HYAL4: variants seen among roughly 807,000 people sequenced by gnomAD.
HYAL4 encodes hyaluronidase-4.
HYAL4 carries 37 observed loss-of-function variants against 35.2 expected under a neutral mutation model. The observed-to-expected ratio is 1.05, with a 90% CI of 0.81 to 1.38. The LOEUF (loss-of-function observed/expected upper bound fraction) is 1.38, where lower values mean the gene tolerates loss of function less well. Ranked by LOEUF, HYAL4 falls within the 40% of genes most tolerant of loss-of-function variation. The pLI is 0.00. For missense variants in HYAL4, 572 were observed against 572.4 expected, an observed-to-expected ratio of 1.00 and a Z score of 0.01; for synonymous variants, 198 against 203.2, an observed-to-expected ratio of 0.97 and a Z score of 0.22.
chr7:123,823,742 T>C, the HYAL4 span, among the ~76,000 whole-genome samples: 73 of 144,392 alleles, frequency 5.1e-4, no homozygotes, highest in East Asian at 2.0e-3. Flanking sequence ...TATATATATA[T>C]ATACACACAC....
At chr7:123,827,393 C>T (rs938785735), upstream of HYAL4, among the ~76,000 whole-genome samples, 5 of 152,164 alleles carry the variant, frequency 3.3e-5, no homozygotes, top group African/African-American at 1.2e-4. Flanking sequence ...GTGTTGTCTT[C>T]ATTTGACTCC....
intron 2 of HYAL4, among the ~76,000 whole-genome samples, chr7:123,859,231 A>AT (rs1194484336): frequency 2.6e-5 from 4 of 152,030 alleles, no homozygotes; most frequent in African/African-American, 7.2e-5. Flanking sequence ...AAGAACAATC[A>AT]TTTTTTCATA....
At chr7:123,795,985 T>G in the HYAL4 span, among the ~76,000 whole-genome samples, 2 of 152,186 alleles carry the variant, frequency 1.3e-5, no homozygotes, top group African/African-American at 4.8e-5. Flanking sequence ...AGATGCTTCG[T>G]TTAAGAGTAT....
the HYAL4 span, among the ~76,000 whole-genome samples, chr7:123,817,818 GA>G: frequency 0.13 from 19,555 of 147,442 alleles, 1,334 homozygotes; most frequent in Non-Finnish European, 0.15. Context: ...TATGCAAAAA[GA>G]AAAAAAAAAT....
the HYAL4 span, among the ~76,000 whole-genome samples, chr7:123,800,231 G>A: frequency 6.8e-6 from 1 of 147,666 alleles, no homozygotes; most frequent in Admixed American, 6.7e-5. Flanking sequence ...GTGCAGTGGC[G>A]CGATCTCGGC....
chr7:123,857,685 C>CTTTCTTTG (rs1806482006), intron 2 of HYAL4, among the ~76,000 whole-genome samples: 1 of 139,118 alleles, frequency 7.2e-6, no homozygotes, highest in African/African-American at 2.6e-5. Context: ...TTCTTTCTTT[C>CTTTCTTTG]TTTCTTTCTT....
At chr7:123,872,726 C>T (rs1806916519) in intron 3 of HYAL4, among the ~76,000 whole-genome samples, 1 of 152,212 alleles carries the variant, frequency 6.6e-6, no homozygotes, top group Admixed American at 6.5e-5. Context: ...TTATCTGTGA[C>T]TTTCCTAGCT....
intron 3 of HYAL4, among the ~76,000 whole-genome samples, chr7:123,873,644 G>A (rs1321451211): frequency 6.6e-6 from 1 of 152,108 alleles, no homozygotes; most frequent in East Asian, 1.9e-4. Flanking sequence ...CTAAAGAGTG[G>A]GGTGAGGGAA....
the HYAL4 span, among the ~76,000 whole-genome samples, chr7:123,790,113 TA>T: frequency 6.6e-6 from 1 of 152,198 alleles, no homozygotes; most frequent in African/African-American, 2.4e-5. Flanking sequence ...TAAGGCCTTC[TA>T]CTGATTAGTT....
At chr7:123,796,424 T>A in the HYAL4 span, among the ~76,000 whole-genome samples, 2 of 152,216 alleles carry the variant, frequency 1.3e-5, no homozygotes, top group Admixed American at 1.3e-4. Flanking sequence ...ATTTAATCTT[T>A]AAATCAACTA....
the HYAL4 span, among the ~76,000 whole-genome samples, chr7:123,775,603 A>G: frequency 1.3e-5 from 2 of 152,212 alleles, no homozygotes; most frequent in Admixed American, 1.3e-4. Flanking sequence ...CATGTATAAA[A>G]TGCTGAGTGC....
At chr7:123,806,713 A>G in the HYAL4 span, among the ~76,000 whole-genome samples, 1 of 151,936 alleles carries the variant, frequency 6.6e-6, no homozygotes, top group Non-Finnish European at 1.5e-5. Flanking sequence ...CAGCCTCCCA[A>G]AGTGCTGAGA....
At chr7:123,811,868 G>A in the HYAL4 span, among the ~76,000 whole-genome samples, 1 of 151,866 alleles carries the variant, frequency 6.6e-6, no homozygotes, top group African/African-American at 2.4e-5. Context: ...CGGAGAGGGA[G>A]TCTCACTCTG....
At chr7:123,805,323 A>G in the HYAL4 span, among the ~76,000 whole-genome samples, 86 of 152,338 alleles carry the variant, frequency 5.6e-4, no homozygotes, top group Non-Finnish European at 1.1e-3. Context: ...TGCATAAGCA[A>G]TAATGTTGTT....
chr7:123,771,544 T>G, the HYAL4 span, among the ~76,000 whole-genome samples: 1 of 152,170 alleles, frequency 6.6e-6, no homozygotes, highest in Non-Finnish European at 1.5e-5. Flanking sequence ...ATTGGCAACC[T>G]TATATATTTT....
At chr7:123,866,970 T>C (rs1328634579) in intron 2 of HYAL4, among the ~76,000 whole-genome samples, 1 of 152,176 alleles carries the variant, frequency 6.6e-6, no homozygotes, top group Non-Finnish European at 1.5e-5. Context: ...TTTGTATTTT[T>C]GGTAGAGATG....
the HYAL4 span, among the ~76,000 whole-genome samples, chr7:123,770,755 G>A: frequency 6.6e-6 from 1 of 151,814 alleles, no homozygotes; most frequent in Non-Finnish European, 1.5e-5. Context: ...TACATGATCC[G>A]AGTTGTGCTT....
chr7:123,823,923 T>G, the HYAL4 span, among the ~76,000 whole-genome samples: 2 of 152,138 alleles, frequency 1.3e-5, no homozygotes, highest in African/African-American at 4.8e-5. Flanking sequence ...GTGAAAATTC[T>G]GAGACCACAG....
chr7:123,836,736 A>T (rs1805970158), intron 1 of HYAL4, among the ~76,000 whole-genome samples: 1 of 151,656 alleles, frequency 6.6e-6, no homozygotes. Flanking sequence ...TTGTTTCAAG[A>T]TTTGGAGCTC....
Sources: allele counts gnomAD v4.1 joint callset (sites outside exome capture counted in the v4.1 genomes callset), GRCh38; gene constraint gnomAD v4.1.1; transcripts MANE v1.5; gene names NCBI Gene and HGNC (gene_info 2026-07-23, HGNC 2026-07-21).